Variants in EYS observed in about 807,000 individuals in gnomAD.
EYS encodes EGF-like photoreceptor maintenance factor.
A neutral mutation model predicts 282.1 loss-of-function variants in EYS; 250 were observed. That is an observed-to-expected ratio of 0.89 (90% CI 0.80 to 0.98). The LOEUF is 0.98. Among genes scored for constraint, EYS ranks in the 50% least tolerant of loss-of-function variants. The pLI, the probability that EYS is intolerant of heterozygous loss-of-function variation, is 0.00. For synonymous variants in EYS, 1,355 were observed against 1,282.9 expected (o/e 1.06, Z -1.20); for missense variants, 4,016 against 3,709.0 (o/e 1.08, Z -2.15).
intron 12 of EYS, among the ~76,000 whole-genome samples, chr6:65,063,858 C>T (rs915077399): frequency 4.0e-5 from 6 of 151,866 alleles, no homozygotes; most frequent in African/African-American, 1.4e-4. Context: ...AAATCACTGT[C>T]TCTTGCCTTC....
intron 30 of EYS, among the ~76,000 whole-genome samples, chr6:64,232,452 C>A (rs769432579): frequency 6.6e-6 from 1 of 152,058 alleles, no homozygotes; most frequent in Non-Finnish European, 1.5e-5. Flanking sequence ...TGCAATGGTG[C>A]GATCTCAGCT....
At chr6:64,004,903 T>G (rs1434252399) in intron 33 of EYS, among the ~76,000 whole-genome samples, 1 of 152,206 alleles carries the variant, frequency 6.6e-6, no homozygotes, top group East Asian at 1.9e-4. Flanking sequence ...TTTCCTATTG[T>G]GAATAGTGCT....
chr6:64,574,880 C>G (rs1345209345), intron 26 of EYS, among the ~76,000 whole-genome samples: 1 of 152,016 alleles, frequency 6.6e-6, no homozygotes, highest in African/African-American at 2.4e-5. Flanking sequence ...ATTAAATGAT[C>G]TAAAAGAACA....
At chr6:64,791,431 A>T (rs1214949781) in intron 22 of EYS, among the ~76,000 whole-genome samples, 5 of 151,868 alleles carry the variant, frequency 3.3e-5, no homozygotes, top group African/African-American at 9.7e-5. Context: ...AAGCTGTTTA[A>T]CTTCTCCTTA....
chr6:65,151,607 C>T (rs537449821), intron 12 of EYS, among the ~76,000 whole-genome samples: 6 of 151,972 alleles, frequency 3.9e-5, no homozygotes, highest in Non-Finnish European at 5.9e-5. Flanking sequence ...CAGTCCATCA[C>T]AAATAGTAAT....
chr6:64,950,800 T>TATATAC (rs1168490425), intron 14 of EYS, among the ~76,000 whole-genome samples: 85 of 73,340 alleles, frequency 1.2e-3, no homozygotes, highest in African/African-American at 4.6e-3. Context: ...TACATATACA[T>TATATAC]ATATATATAT....
chr6:64,933,789 A>G (rs1235312491), intron 15 of EYS, among the ~76,000 whole-genome samples: 1 of 152,144 alleles, frequency 6.6e-6, no homozygotes, highest in African/African-American at 2.4e-5. Flanking sequence ...ACAGCATGAA[A>G]TACTCTGCAG....
At position 63,721,403 on chromosome 6, in the gene EYS, C is replaced by T; in HGVS notation, c.8628G>A (p.Gly2876=). The change falls in exon 43 of 43, where the codon GGG becomes GGA. Residue 2876 remains glycine, a synonymous_variant. Transcript: ENST00000503581. ...TGCATGTGTTGTACCCACAGGCTGT[C>T]CCATCACAGTCACCTACATTTGAGC... ...KGGSNVGDCD[G]TACGYNTCRN... 1 of 1,551,510 alleles carries T rather than the reference C, an allele frequency of 6.4e-7. No homozygotes were observed. The highest frequency in any genetic ancestry group is 8.7e-7 in the Non-Finnish European group (1 of 1,146,810).
intron 5 of EYS, among the ~76,000 whole-genome samples, chr6:65,452,829 G>A (rs1340608449): frequency 1.3e-5 from 2 of 151,964 alleles, no homozygotes; most frequent in African/African-American, 4.8e-5. Context: ...AACAATCAGA[G>A]AAGATGTAAA....
At chr6:64,874,500 T>G (rs1766685501) in intron 19 of EYS, among the ~76,000 whole-genome samples, 1 of 152,100 alleles carries the variant, frequency 6.6e-6, no homozygotes, top group South Asian at 2.1e-4. Context: ...TGTTTTGATT[T>G]TTAAACTCAT....
intron 12 of EYS, among the ~76,000 whole-genome samples, chr6:65,257,853 T>A (rs894262895): frequency 1.3e-5 from 2 of 151,828 alleles, no homozygotes; most frequent in African/African-American, 4.8e-5. Flanking sequence ...CTGGAAAGGG[T>A]TGCAGGGAAG....
At chr6:65,456,235 G>A (rs945631961) in intron 5 of EYS, among the ~76,000 whole-genome samples, 4 of 151,948 alleles carry the variant, frequency 2.6e-5, no homozygotes, top group Admixed American at 6.6e-5. Context: ...GGCGAATCAC[G>A]AGGTCAGGAG....
intron 12 of EYS, among the ~76,000 whole-genome samples, chr6:65,247,631 C>A (rs1278004176): frequency 6.6e-6 from 1 of 152,012 alleles, no homozygotes; most frequent in Non-Finnish European, 1.5e-5. Flanking sequence ...TTTCAATGAT[C>A]TCACTATGCA....
intron 32 of EYS, among the ~76,000 whole-genome samples, chr6:64,081,568 C>T (rs1257982042): frequency 6.6e-6 from 1 of 152,130 alleles, no homozygotes; most frequent in African/African-American, 2.4e-5. Context: ...TGCTCTGAAA[C>T]ATTTGCAGCA....
chr6:65,301,579 C>T (rs1240582979), intron 11 of EYS, among the ~76,000 whole-genome samples: 1 of 152,236 alleles, frequency 6.6e-6, no homozygotes, highest in Non-Finnish European at 1.5e-5. Flanking sequence ...GGGATAGTGT[C>T]ATCGGTTCGG....
At chr6:64,547,415 C>T (rs1764913614) in intron 26 of EYS, among the ~76,000 whole-genome samples, 1 of 152,058 alleles carries the variant, frequency 6.6e-6, no homozygotes, top group South Asian at 2.1e-4. Context: ...AAAAGTTATC[C>T]ACCTCCCCAC....
intron 39 of EYS, among the ~76,000 whole-genome samples, chr6:63,781,602 A>G (rs1381291213): frequency 1.3e-5 from 2 of 152,192 alleles, no homozygotes; most frequent in South Asian, 2.1e-4. Context: ...TTAATTTTGT[A>G]TCCTGAGACT....
At chr6:64,208,393 T>C (rs1400435037) in intron 31 of EYS, among the ~76,000 whole-genome samples, 3 of 152,246 alleles carry the variant, frequency 2.0e-5, no homozygotes, top group Admixed American at 2.0e-4. Context: ...GAGCACATTA[T>C]ACTTTAGAGG....
In EYS at chr6:65,353,516, AC is replaced by A. The variant is rs770403975; in HGVS notation, c.1400del (p.Gly467ValfsTer48). ...GAGCAGGACCTTTATCTTGGCAAAT[AC>A]CATGGAAGGTGACTCCACAGTAGCA... ...HLCYCGVTFH[G>X]ICQDKGPAQF... On this transcript the variant is annotated frameshift_variant, in exon 9 of 43. Transcript: ENST00000503581. LOFTEE classifies it high-confidence loss of function. The A allele has an allele frequency of 1.9e-6, 3 of 1,613,294 alleles. No individual in the cohort carries two copies. The South Asian group carries it at 3.3e-5, about 18-fold the overall frequency.
Sources: allele counts gnomAD v4.1 joint callset (sites outside exome capture counted in the v4.1 genomes callset), GRCh38; gene constraint gnomAD v4.1.1; transcripts MANE v1.5; gene names NCBI Gene and HGNC (gene_info 2026-07-23, HGNC 2026-07-21).